Variants in CAPNS1 observed in about 807,000 individuals in gnomAD.
CAPNS1 encodes the protein CANP small subunit.
In CAPNS1, 32 loss-of-function variants were observed where a neutral mutation model predicts 39.2. That is an observed-to-expected ratio of 0.82 (90% CI 0.62 to 1.10). The LOEUF is 1.10. Among genes scored for constraint, CAPNS1 ranks in the 50% least tolerant of loss-of-function variants. The probability of loss-of-function intolerance (pLI) is 0.00; values close to 1 mark genes in which losing one functional copy is unlikely to be tolerated. For missense variants in CAPNS1, 353 were observed against 373.1 expected (o/e 0.95, Z 0.44); for synonymous variants, 153 against 136.2 (o/e 1.12, Z -0.86).
chr19:36,150,242 G>A lies in CAPNS1; in HGVS notation c.*403G>A, dbSNP rs776983274. 29 of 182,440 alleles carry A rather than the reference G, an allele frequency of 1.6e-4. No homozygotes were observed. The highest frequency in any genetic ancestry group is 2.7e-4 in the Non-Finnish European group (24 of 88,508). The allele number at this position is 182,440 out of a possible 1,614,324, so 11.3% of individuals were successfully genotyped here. ...CACCCTTCACGGTTGCTACCCAGGC[G>A]GCCAAGCTCCAGACCGTGCCAGACC... On this transcript the variant is annotated 3_prime_UTR_variant, in exon 11 of 11. Coordinates refer to ENST00000246533, the MANE Select transcript of CAPNS1 (RefSeq NM_001749.4).
At chr19:36,142,841 C>G in intron 4 of CAPNS1, 68 bp from the exon 5 acceptor site, 1 of 1,591,718 alleles carries the variant, frequency 6.3e-7, no homozygotes, top group African/African-American at 1.3e-5. Context: ...TCCCAGTGTT[C>G]CCATTCTCCA....
At chr19:36,140,833 C>G (rs1401183379) in intron 1 of CAPNS1, 164 bp from the exon 2 acceptor site, 9 of 1,035,614 alleles carry the variant, frequency 8.7e-6, no homozygotes, top group Non-Finnish European at 1.2e-5. Context: ...AACCTGATCC[C>G]CCATACCTGC....
In CAPNS1 at chr19:36,150,079, C is replaced by G; in HGVS notation, c.*240C>G. The G allele has an allele frequency of 2.5e-6, 1 of 401,186 alleles. No homozygotes were observed. The highest frequency in any genetic ancestry group is 4.4e-6 in the Non-Finnish European group (1 of 227,854). The allele number at this position is 401,186 out of a possible 1,614,324, so 24.9% of individuals were successfully genotyped here. A position where few individuals can be genotyped will look rare whatever the true frequency, so the allele number is the denominator to read the frequency against. On this transcript the variant is annotated 3_prime_UTR_variant, in exon 11 of 11. Transcript: ENST00000246533. ...AGCTCTGTCCACGGGTCTCCCCATTCCCACCAGGCCCTGCACACACCCACT... is the reference window on the plus strand; with the variant it reads ...AGCTCTGTCCACGGGTCTCCCCATTGCCACCAGGCCCTGCACACACCCACT...
intron 9 of CAPNS1, among the ~76,000 whole-genome samples, chr19:36,147,493 A>G (rs1029390396): frequency 4.6e-5 from 7 of 152,072 alleles, no homozygotes; most frequent in South Asian, 2.1e-4. Context: ...TCGGCTGGGC[A>G]CGGTGGCTCA....
chr19:36,140,990 C>T lies in CAPNS1; in HGVS notation c.-15-7C>T. The T allele has an allele frequency of 6.3e-7, 1 of 1,599,376 alleles. No homozygotes were observed. Among genetic ancestry groups the T allele is most frequent in the Non-Finnish European group, 8.5e-7 (1 of 1,173,716 alleles). ...AAGCACCCACTGGTCCCCTTTTTTC[C>T]CCCCAGCAGTGAGTCGCAGCCATGT... On this transcript the variant is annotated splice_region_variant and splice_polypyrimidine_tract_variant and intron_variant, in intron 1 of 10. Transcript: ENST00000246533.
chr19:36,145,580 T>C (rs551085225), intron 6 of CAPNS1: 1 of 514,002 alleles, frequency 1.9e-6, no homozygotes, highest in African/African-American at 1.9e-5. Flanking sequence ...TGAATATAAT[T>C]CCTCATGGTT....
chr19:36,146,375 T>C lies in CAPNS1; in HGVS notation c.721+63T>C, dbSNP rs1974569482. 4 of 1,053,632 alleles carry C rather than the reference T, an allele frequency of 3.8e-6. No individual in the cohort carries two copies. In the South Asian group the frequency reaches 5.0e-5, roughly 13 times the overall value. 65.3% of individuals were successfully genotyped at this position (1,053,632 alleles called of 1,614,324 possible). A position where few individuals can be genotyped will look rare whatever the true frequency, so the allele number is the denominator to read the frequency against. ...CCTATGACCTCTATGGACCAAGGTC[T>C]CCTCTAAGCCTGACTTTGAGGTGGG... On this transcript the variant is annotated intron_variant, in intron 9 of 10. Transcript: ENST00000246533.
chr19:36,141,755 T>C lies in CAPNS1; in HGVS notation c.209+535T>C, dbSNP rs17884904. 99 of 325,924 alleles carry C rather than the reference T, an allele frequency of 3.0e-4. No individual in the cohort carries two copies. The Admixed American group carries it at 3.4e-3, about 11-fold the overall frequency. 20.2% of individuals were successfully genotyped at this position (325,924 alleles called of 1,614,324 possible). ...GGATTAATGGAGAAAAATGCCCTGG[T>C]AGGGATAGGGCAGGTTGGCTTAATT... is the stretch of plus-strand genomic sequence containing the variant. On this transcript the variant is annotated intron_variant, in intron 2 of 10. Transcript: ENST00000246533.
rs762877961 is a variant in CAPNS1, at chr19:36,142,980, G to A, written c.391+14G>A. The stretch of plus-strand genomic sequence containing the variant: ...TTGTGACACGACGTAAGTGACCGGG[G>A]TTAAGGAATAGGGTAGATTCAGAGG... On this transcript the variant is annotated intron_variant, in intron 5 of 10. Coordinates refer to ENST00000246533, the MANE Select transcript of CAPNS1 (RefSeq NM_001749.4). 1.2e-6 allele frequency: 2 copies of A among 1,614,162 alleles called. No homozygotes were observed. Among genetic ancestry groups the A allele is most frequent in the South Asian group, 1.1e-5 (1 of 91,092 alleles).
intron 9 of CAPNS1, among the ~76,000 whole-genome samples, chr19:36,147,164 T>C (rs1363700624): frequency 6.6e-6 from 1 of 152,220 alleles, no homozygotes; most frequent in Non-Finnish European, 1.5e-5. Flanking sequence ...GTTAGTGTAC[T>C]GAATGCTGAA....
intron 1 of CAPNS1, 115 bp downstream of exon 1, chr19:36,140,272 G>C (rs1198956041): frequency 6.6e-6 from 1 of 152,272 alleles, no homozygotes; most frequent in Non-Finnish European, 1.5e-5. Flanking sequence ...CATGGTCTCA[G>C]ATTCGAACCC....
chr19:36,141,488 G>A, intron 2 of CAPNS1: 1 of 1,249,288 alleles, frequency 8.0e-7, no homozygotes, highest in Admixed American at 4.3e-5. Flanking sequence ...TGAGGGGACT[G>A]ATGTGGAGTT....
chr19:36,145,581 C>T (rs2145928991), intron 6 of CAPNS1: 2 of 515,464 alleles, frequency 3.9e-6, no homozygotes, highest in East Asian at 6.3e-5. Flanking sequence ...GAATATAATT[C>T]CTCATGGTTA....
In CAPNS1 at chr19:36,145,989, A is replaced by T. The variant is rs370319793; in HGVS notation, c.539A>T (p.Gln180Leu). ...NIKRWQAIYK[Q>L]FDTDRSGTIC... ...CTGTCCTCACAGGCCATATACAAACAGTTCGACACTGACCGATCAGGGACC... is the reference window on the plus strand; with the variant it reads ...CTGTCCTCACAGGCCATATACAAACTGTTCGACACTGACCGATCAGGGACC... Residue 180 changes from glutamine to leucine, a missense_variant, in exon 8 of 11, where the codon CAG becomes CTG. Physicochemically the swap from Gln to Leu is moderately radical, Grantham distance 113 (BLOSUM62 -2). Coordinates refer to ENST00000246533, the MANE Select transcript of CAPNS1 (RefSeq NM_001749.4). 4.3e-6 allele frequency: 7 copies of T among 1,614,216 alleles called. No homozygotes were observed. Among genetic ancestry groups the T allele is most frequent in the Non-Finnish European group, 5.9e-6 (7 of 1,180,034 alleles).
In CAPNS1 at chr19:36,142,978, GGGTTAA is replaced by G; in HGVS notation, c.391+15_391+20del. 6.2e-7 allele frequency: 1 copy of G among 1,614,170 alleles called. No homozygotes were observed. Among genetic ancestry groups the G allele is most frequent in the Non-Finnish European group, 8.5e-7 (1 of 1,180,014 alleles). ...GGTTGTGACACGACGTAAGTGACCG[GGGTTAA>G]GGAATAGGGTAGATTCAGAGGCAGA... is the stretch of plus-strand genomic sequence containing the variant. On this transcript the variant is annotated intron_variant, in intron 5 of 10. Coordinates refer to ENST00000246533, the MANE Select transcript of CAPNS1 (RefSeq NM_001749.4).
intron 3 of CAPNS1, 47 bp downstream of exon 3, chr19:36,142,380 T>A: frequency 9.7e-7 from 1 of 1,033,632 alleles, no homozygotes. Context: ...CAAGGCCTCT[T>A]CGAGGTCCCA....
intron 1 of CAPNS1, 39 bp from the exon 2 acceptor site, chr19:36,140,958 A>G: frequency 6.3e-7 from 1 of 1,583,520 alleles, no homozygotes; most frequent in Non-Finnish European, 8.6e-7. Flanking sequence ...GTGTGGGCTC[A>G]GGGGCGAAGC....
chr19:36,145,929 C>T (rs1291040548), intron 7 of CAPNS1, 47 bp from the exon 8 acceptor site: 2 of 1,611,882 alleles, frequency 1.2e-6, no homozygotes, highest in South Asian at 1.1e-5. Flanking sequence ...CATGGAGACA[C>T]TATGCCCCAC....
At position 36,142,813 on chromosome 19, in the gene CAPNS1, C is replaced by T; in HGVS notation, c.333+72C>T. 4.4e-6 allele frequency: 7 copies of T among 1,582,656 alleles called. No individual in the cohort carries two copies. In the South Asian group the frequency reaches 7.7e-5, roughly 18 times the overall value. On this transcript the variant is annotated intron_variant, in intron 4 of 10. Transcript: ENST00000246533. ...TCCCTTGTGGCTGCCCTTGCACACACACCCTTGACCATGACAATCCCAGTG... is the reference window on the plus strand; with the variant it reads ...TCCCTTGTGGCTGCCCTTGCACACATACCCTTGACCATGACAATCCCAGTG...
Sources: allele counts gnomAD v4.1 joint callset (sites outside exome capture counted in the v4.1 genomes callset), GRCh38; gene constraint gnomAD v4.1.1; transcripts MANE v1.5; gene names NCBI Gene and HGNC (gene_info 2026-07-23, HGNC 2026-07-21).